The following PIGN variants were observed in gnomAD, a reference collection of about 807,000 sequenced individuals.
The protein encoded by PIGN is phosphatidylinositol glycan anchor biosynthesis class N.
A neutral mutation model predicts 125.4 loss-of-function variants in PIGN; 117 were observed. The ratio of observed to expected loss-of-function variants is 0.93; its 90% CI spans 0.80 to 1.09. The LOEUF is 1.09. Among genes scored for constraint, PIGN ranks in the 50% least tolerant of loss-of-function variants. The probability of loss-of-function intolerance (pLI) is 0.00; values close to 1 mark genes in which losing one functional copy is unlikely to be tolerated. For missense variants in PIGN, 1,075 were observed against 1,094.9 expected, an observed-to-expected ratio of 0.98 and a Z score of 0.26; for synonymous variants, 392 against 377.8, an observed-to-expected ratio of 1.04 and a Z score of -0.44.
chr18:62,109,648 A>G (rs2034794983), intron 17 of PIGN, among the ~76,000 whole-genome samples, 186 bp downstream of exon 17: 1 of 152,218 alleles, frequency 6.6e-6, no homozygotes, highest in Non-Finnish European at 1.5e-5. Context: ...AAAGTACAAC[A>G]GAAAGAATGT....
At chr18:62,142,986 T>A (rs2147215351) in intron 11 of PIGN, among the ~76,000 whole-genome samples, 1 of 152,302 alleles carries the variant, frequency 6.6e-6, no homozygotes, top group East Asian at 1.9e-4. Context: ...TTTTAATAGA[T>A]CTGTGCTTAA....
At chr18:62,155,429 T>A (rs975580560) in intron 6 of PIGN, among the ~76,000 whole-genome samples, 3 of 151,758 alleles carry the variant, frequency 2.0e-5, no homozygotes, top group Non-Finnish European at 2.9e-5. Context: ...ATTAGCTGGG[T>A]GTGGTGGTGT....
rs1277968509 is a variant in PIGN, at chr18:62,048,966, C to T, written c.2673-2987G>A. 1.1e-4 allele frequency among the ~76,000 whole-genome samples: 16 copies of T among 148,372 alleles called. No homozygotes were observed. The East Asian group carries it at 1.6e-3, about 15-fold the overall frequency. The stretch of plus-strand genomic sequence containing the variant: ...GAATATGCGGTGTTTGGTTTTTTGT[C>T]CTTGCGATAGTTTACTGAGAATGAT... On this transcript the variant is annotated intron_variant, in intron 30 of 30. Coordinates refer to ENST00000640252, the MANE Select transcript of PIGN (RefSeq NM_176787.5).
rs1223032760 is a variant in PIGN at position 62,147,235 on chromosome 18, G to A, written c.675-134C>T. On this transcript the variant is annotated intron_variant, in intron 8 of 30. Transcript: ENST00000640252. The stretch of plus-strand genomic sequence containing the variant: ...TTTCATCTTTAATATTTTAAAATCA[G>A]AGTACTCTAGATTGTTAAAATAATT... 5 of 1,161,808 alleles carry A rather than the reference G, an allele frequency of 4.3e-6. No individual in the cohort carries two copies. In the East Asian group the frequency reaches 1.1e-4, roughly 26 times the overall value. 72.0% of individuals were successfully genotyped at this position (1,161,808 alleles called of 1,614,324 possible). A position where few individuals can be genotyped will look rare whatever the true frequency, so the allele number is the denominator to read the frequency against.
intron 10 of PIGN, among the ~76,000 whole-genome samples, 178 bp downstream of exon 10, chr18:62,145,731 G>T (rs1362382259): frequency 2.0e-5 from 3 of 152,156 alleles, no homozygotes; most frequent in South Asian, 2.1e-4. Context: ...TCAACAAATG[G>T]CTCTGTGAGA....
At chr18:62,033,569 T>A (rs1176744942) in intron 23 of PIGN, among the ~76,000 whole-genome samples, 1 of 152,230 alleles carries the variant, frequency 6.6e-6, no homozygotes, top group Non-Finnish European at 1.5e-5. Context: ...TTAAATCTTT[T>A]ACTTCTGAAT....
chr18:62,169,776 A>G (rs555133173), intron 1 of PIGN, among the ~76,000 whole-genome samples: 1 of 152,140 alleles, frequency 6.6e-6, no homozygotes, highest in East Asian at 1.9e-4. Flanking sequence ...GAGAGCCAGC[A>G]TGCCAGCTAA....
intron 30 of PIGN, among the ~76,000 whole-genome samples, chr18:62,066,999 C>A (rs2032557333): frequency 6.6e-6 from 1 of 152,074 alleles, no homozygotes; most frequent in Non-Finnish European, 1.5e-5. Flanking sequence ...ACTTCCTGAC[C>A]TCCAATTCTA....
intron 23 of PIGN, among the ~76,000 whole-genome samples, chr18:62,027,541 C>T (rs1215746203): frequency 6.6e-6 from 1 of 152,124 alleles, no homozygotes; most frequent in Admixed American, 6.5e-5. Flanking sequence ...GAGTGGGCTT[C>T]CAGGTTGTAG....
At chr18:62,053,675 C>G (rs1318594183) in intron 30 of PIGN, among the ~76,000 whole-genome samples, 1 of 152,152 alleles carries the variant, frequency 6.6e-6, no homozygotes, top group African/African-American at 2.4e-5. Flanking sequence ...AGCAAAGATA[C>G]CCTTTTCTCA....
rs76608869 is a variant in PIGN at position 62,078,471 on chromosome 18, G to A, written c.2577-3650C>T. Among the ~76,000 whole-genome samples, 1,477 of 152,190 alleles carry A rather than the reference G, an allele frequency of 9.7e-3. 48 individuals carry two copies. Among genetic ancestry groups the A allele is most frequent in the East Asian group, 0.069 (358 of 5,172 alleles). On this transcript the variant is annotated intron_variant, in intron 28 of 30. Transcript: ENST00000640252. ...CACAGCCTGTGCTCCTAACCATTACGCACACTGCCTCCCTATGGCTCTACT... is the reference window on the plus strand; with the variant it reads ...CACAGCCTGTGCTCCTAACCATTACACACACTGCCTCCCTATGGCTCTACT...
Position 62,184,935 on chromosome 18 carries a change from C to T in PIGN, c.-236+1909G>A, listed in dbSNP as rs1209075150. Among the ~76,000 whole-genome samples, 7 of 152,176 alleles carry T rather than the reference C, an allele frequency of 4.6e-5. No individual in the cohort carries two copies. In the East Asian group the frequency reaches 1.3e-3, roughly 29 times the overall value. Reference sequence around the variant, plus strand: ...TCTCAATTCTGTGTACTTTCCTTATCCCCTTTGATAGACGAATGCAAGTGA... The same window carrying T: ...TCTCAATTCTGTGTACTTTCCTTATTCCCTTTGATAGACGAATGCAAGTGA... On this transcript the variant is annotated intron_variant, in intron 1 of 30. Transcript: ENST00000640252.
At chr18:62,097,243 C>A in intron 22 of PIGN, among the ~76,000 whole-genome samples, 1 of 131,422 alleles carries the variant, frequency 7.6e-6, no homozygotes, top group Middle Eastern at 3.2e-3. Flanking sequence ...AACAAACAAC[C>A]CCATCAAAAA....
chr18:62,122,618 G>C (rs1739040993), intron 14 of PIGN, among the ~76,000 whole-genome samples: 1 of 152,050 alleles, frequency 6.6e-6, no homozygotes, highest in African/African-American at 2.4e-5. Flanking sequence ...AATTTAATAT[G>C]GTGAAGAGAA....
At chr18:62,180,492 A>T (rs1211268948) in intron 1 of PIGN, among the ~76,000 whole-genome samples, 1 of 152,142 alleles carries the variant, frequency 6.6e-6, no homozygotes, top group African/African-American at 2.4e-5. Flanking sequence ...TATATCTCTA[A>T]ATCCCCCTAA....
At chr18:62,019,410 C>G (rs780270275) in intron 23 of PIGN, among the ~76,000 whole-genome samples, 19 of 152,206 alleles carry the variant, frequency 1.2e-4, no homozygotes, top group Admixed American at 2.6e-4. Flanking sequence ...AAACAAATAG[C>G]TTTAAAAAGT....
chr18:62,176,814 G>C (rs2147913858), intron 1 of PIGN, among the ~76,000 whole-genome samples: 1 of 152,212 alleles, frequency 6.6e-6, no homozygotes, highest in South Asian at 2.1e-4. Context: ...GTAGTTAATA[G>C]TATTATACAA....
chr18:62,030,610 C>A (rs1166878832), intron 23 of PIGN, among the ~76,000 whole-genome samples: 1 of 152,162 alleles, frequency 6.6e-6, no homozygotes, highest in Non-Finnish European at 1.5e-5. Flanking sequence ...GTGAACTCCA[C>A]CTTTAGGTTT....
chr18:62,107,397 C>T (rs919776946), intron 17 of PIGN: 1 of 259,674 alleles, frequency 3.9e-6, no homozygotes, highest in African/African-American at 2.3e-5. Context: ...AAGTTTGAGA[C>T]CAGCCTGGCC....
Sources: allele counts gnomAD v4.1 joint callset (sites outside exome capture counted in the v4.1 genomes callset), GRCh38; gene constraint gnomAD v4.1.1; transcripts MANE v1.5; gene names NCBI Gene and HGNC (gene_info 2026-07-23, HGNC 2026-07-21).